Variants in VAMP4 observed in about 807,000 individuals in gnomAD.
VAMP4 encodes vesicle-associated membrane protein 4.
A neutral mutation model predicts 23.5 loss-of-function variants in VAMP4; 19 were observed. The ratio of observed to expected loss-of-function variants is 0.81; its 90% CI spans 0.56 to 1.19. The LOEUF (loss-of-function observed/expected upper bound fraction) is 1.19, where lower values mean the gene tolerates loss of function less well. Among genes scored for constraint, VAMP4 ranks in the 50% most tolerant of loss-of-function variants. The probability of loss-of-function intolerance (pLI) is 0.00; values close to 1 mark genes in which losing one functional copy is unlikely to be tolerated. For synonymous variants in VAMP4, 31 were observed against 51.0 expected (o/e 0.61, Z 1.67); for missense variants, 145 against 168.6 (o/e 0.86, Z 0.78).
At chr1:171,732,760 G>A (rs1023117471) in intron 2 of VAMP4, among the ~76,000 whole-genome samples, 1 of 151,920 alleles carries the variant, frequency 6.6e-6, no homozygotes, top group African/African-American at 2.4e-5. Flanking sequence ...TCTTAAGATG[G>A]GTAAGTTATT....
At chr1:171,723,842 G>C (rs921018929) in intron 3 of VAMP4, among the ~76,000 whole-genome samples, 4 of 152,272 alleles carry the variant, frequency 2.6e-5, no homozygotes, top group Admixed American at 1.3e-4. Context: ...TTTATGTTCA[G>C]AGATTGCAAT....
chr1:171,715,630 AAC>A (rs1655003566), intron 4 of VAMP4, among the ~76,000 whole-genome samples: 1 of 152,204 alleles, frequency 6.6e-6, no homozygotes, highest in African/African-American at 2.4e-5. Context: ...CATAGTGCCC[AAC>A]ACATAGCACA....
At chr1:171,724,133 C>T (rs1164226500) in intron 3 of VAMP4, among the ~76,000 whole-genome samples, 4 of 152,046 alleles carry the variant, frequency 2.6e-5, no homozygotes, top group Non-Finnish European at 5.9e-5. Context: ...CCATGGAATA[C>T]TACGCAGCCA....
chr1:171,724,478 A>T (rs957677572), intron 3 of VAMP4, among the ~76,000 whole-genome samples: 6 of 152,160 alleles, frequency 3.9e-5, no homozygotes, highest in African/African-American at 1.4e-4. Flanking sequence ...ATAATAATAA[A>T]AAATAAAAGA....
At chr1:171,715,948 C>T (rs575112339) in intron 4 of VAMP4, among the ~76,000 whole-genome samples, 8 of 152,250 alleles carry the variant, frequency 5.3e-5, no homozygotes, top group African/African-American at 1.9e-4. Flanking sequence ...CTGCAGTGAG[C>T]TGTGACTGTG....
intron 2 of VAMP4, among the ~76,000 whole-genome samples, chr1:171,731,235 G>C (rs1046813991): frequency 1.3e-5 from 2 of 152,110 alleles, no homozygotes; most frequent in Admixed American, 6.6e-5. Context: ...ATGGACACAG[G>C]AAGGGGAACA....
chr1:171,730,894 G>A (rs1439950551), intron 2 of VAMP4, among the ~76,000 whole-genome samples: 2 of 152,190 alleles, frequency 1.3e-5, no homozygotes, highest in East Asian at 3.9e-4. Flanking sequence ...ATATACTAAA[G>A]AGTAAAAAAA....
chr1:171,732,514 G>A (rs1655596854), intron 2 of VAMP4, among the ~76,000 whole-genome samples: 1 of 152,120 alleles, frequency 6.6e-6, no homozygotes, highest in South Asian at 2.1e-4. Flanking sequence ...TCCAACCTGG[G>A]TGACAAAAGG....
chr1:171,704,253 A>G lies in VAMP4; in HGVS notation c.*253T>C. On this transcript the variant is annotated 3_prime_UTR_variant, in exon 8 of 8. Transcript: ENST00000236192. ...ATGAACTGGCAAGTATCTAGTTTCAAATTAGATCCTTGAAATATGGAAAAA... is the reference window on the plus strand; with the variant it reads ...ATGAACTGGCAAGTATCTAGTTTCAGATTAGATCCTTGAAATATGGAAAAA... 1 of 283,588 alleles carries G rather than the reference A, an allele frequency of 3.5e-6. No homozygotes were observed. The highest frequency in any genetic ancestry group is 6.6e-6 in the Non-Finnish European group (1 of 150,696). 17.6% of individuals were successfully genotyped at this position (283,588 alleles called of 1,614,324 possible).
rs1425251800 is a variant in VAMP4 at position 171,703,309 on chromosome 1, C to CATT, written c.*1194_*1196dup. The stretch of plus-strand genomic sequence containing the variant: ...AGGTTGGCATATTTTAAAGTTAACA[C>CATT]ATTTTTTCATTATAAAAACAGGCTT... On this transcript the variant is annotated 3_prime_UTR_variant, in exon 8 of 8. Transcript: ENST00000236192. 1 of 150,394 alleles carries CATT rather than the reference C, an allele frequency of 6.6e-6. No homozygotes were observed. The highest frequency in any genetic ancestry group is 1.5e-5 in the Non-Finnish European group (1 of 67,470). The allele number at this position is 150,394 out of a possible 1,614,324, so 9.3% of individuals were successfully genotyped here. A position where few individuals can be genotyped will look rare whatever the true frequency, so the allele number is the denominator to read the frequency against.
intron 1 of VAMP4, among the ~76,000 whole-genome samples, chr1:171,739,843 T>A (rs1022020627): frequency 2.0e-5 from 3 of 152,216 alleles, no homozygotes; most frequent in Admixed American, 6.5e-5. Flanking sequence ...ATGACTCACA[T>A]CCTGTTATAT....
chr1:171,701,009 C>T lies in VAMP4; in HGVS notation c.*3497G>A. On this transcript the variant is annotated 3_prime_UTR_variant, in exon 8 of 8. Transcript: ENST00000236192. Reference sequence around the variant, plus strand: ...AAAAAAAATCAGAATAAGACTATCTCAAAGTATTAAAGAGGATCTAAACCC... The same window carrying T: ...AAAAAAAATCAGAATAAGACTATCTTAAAGTATTAAAGAGGATCTAAACCC... The T allele has an allele frequency of 6.6e-6, 1 of 152,006 alleles. No homozygotes were observed. The highest frequency in any genetic ancestry group is 2.1e-4 in the South Asian group (1 of 4,812). 9.4% of individuals were successfully genotyped at this position (152,006 alleles called of 1,614,324 possible). A position where few individuals can be genotyped will look rare whatever the true frequency, so the allele number is the denominator to read the frequency against.
At chr1:171,733,019 T>C (rs1002587789) in intron 2 of VAMP4, among the ~76,000 whole-genome samples, 17 of 152,040 alleles carry the variant, frequency 1.1e-4, no homozygotes, top group Admixed American at 7.9e-4. Context: ...TAATTCCCAA[T>C]AGAAGAAATG....
At chr1:171,732,613 T>C (rs1430182584) in intron 2 of VAMP4, among the ~76,000 whole-genome samples, 3 of 152,118 alleles carry the variant, frequency 2.0e-5, no homozygotes, top group Non-Finnish European at 4.4e-5. Flanking sequence ...GATTAGACTA[T>C]TTTGAAATGA....
At position 171,716,148 on chromosome 1, in the gene VAMP4, C is replaced by A. The variant is rs1271208034; in HGVS notation, c.164+3023G>T. On this transcript the variant is annotated intron_variant, in intron 4 of 7. Transcript: ENST00000236192. ...CAACTACATATATATTGCTGTTACACCATGGAACATTCCCTGGGGTGTCGG... is the reference window on the plus strand; with the variant it reads ...CAACTACATATATATTGCTGTTACAACATGGAACATTCCCTGGGGTGTCGG... 2.6e-5 allele frequency among the ~76,000 whole-genome samples: 4 copies of A among 152,270 alleles called. No homozygotes were observed. In the East Asian group the frequency reaches 7.7e-4, roughly 29 times the overall value.
chr1:171,708,558 T>G (rs558810912), intron 6 of VAMP4, among the ~76,000 whole-genome samples: 1 of 151,600 alleles, frequency 6.6e-6, no homozygotes, highest in African/African-American at 2.4e-5. Flanking sequence ...TATGGCTAAG[T>G]CAGGTTTAGA....
At chr1:171,725,967 C>T (rs1456020362) in intron 3 of VAMP4, among the ~76,000 whole-genome samples, 1 of 151,618 alleles carries the variant, frequency 6.6e-6, no homozygotes, top group Non-Finnish European at 1.5e-5. Flanking sequence ...GGATTACAGG[C>T]GTGAGCCACT....
chr1:171,715,301 A>C (rs1654992677), intron 4 of VAMP4, among the ~76,000 whole-genome samples: 2 of 152,210 alleles, frequency 1.3e-5, no homozygotes, highest in African/African-American at 4.8e-5. Context: ...AATAAAAGAC[A>C]TGAGAGAGAA....
chr1:171,733,319 A>T (rs1041573053), intron 2 of VAMP4, among the ~76,000 whole-genome samples: 1 of 144,404 alleles, frequency 6.9e-6, no homozygotes, highest in Admixed American at 6.9e-5. Context: ...AAAAAAAAAA[A>T]ATTAGGCGTG....
Sources: allele counts gnomAD v4.1 joint callset (sites outside exome capture counted in the v4.1 genomes callset), GRCh38; gene constraint gnomAD v4.1.1; transcripts MANE v1.5; gene names NCBI Gene and HGNC (gene_info 2026-07-23, HGNC 2026-07-21).